PLXNA2: variants seen among roughly 807,000 people sequenced by gnomAD.
PLXNA2 encodes plexin A2.
PLXNA2 carries 91 observed loss-of-function variants against 193.5 expected under a neutral mutation model. The observed-to-expected ratio is 0.47, with a 90% CI of 0.40 to 0.56. The LOEUF (loss-of-function observed/expected upper bound fraction) is 0.56. PLXNA2 is among the 20% of genes least tolerant of loss of function. PLXNA2 has a pLI of 0.00. For missense variants in PLXNA2, 1,995 were observed against 2,503.2 expected (o/e 0.80, Z 4.33); for synonymous variants, 997 against 1,027.3 (o/e 0.97, Z 0.56).
chr1:208,060,956 AG>A, intron 12 of PLXNA2, 119 bp from the exon 13 acceptor site: 6 of 818,190 alleles, frequency 7.3e-6, no homozygotes, highest in Non-Finnish European at 1.1e-5. Flanking sequence ...TTCCTCCACC[AG>A]GAATTCTGGT....
chr1:208,209,268 A>G (rs1032291892), intron 3 of PLXNA2, among the ~76,000 whole-genome samples: 4 of 152,116 alleles, frequency 2.6e-5, no homozygotes, highest in East Asian at 3.9e-4. Flanking sequence ...GAACATAGAA[A>G]TTCTTCCTTG....
chr1:208,029,559 C>T (rs1664439127), intron 29 of PLXNA2: 3 of 990,986 alleles, frequency 3.0e-6, no homozygotes, highest in Non-Finnish European at 3.6e-6. Context: ...CCTGGCCTGG[C>T]TGGGCCGAGG....
chr1:208,149,841 A>G (rs553034049), intron 3 of PLXNA2, among the ~76,000 whole-genome samples: 8 of 152,286 alleles, frequency 5.3e-5, no homozygotes, highest in African/African-American at 1.7e-4. Flanking sequence ...ACACACTCAC[A>G]TACACATACA....
intron 3 of PLXNA2, among the ~76,000 whole-genome samples, chr1:208,159,565 A>C (rs1387220600): frequency 6.6e-6 from 1 of 152,248 alleles, no homozygotes; most frequent in East Asian, 1.9e-4. Context: ...TGGGGACACC[A>C]GCCATCCAAG....
intron 2 of PLXNA2, among the ~76,000 whole-genome samples, chr1:208,212,471 G>A (rs1670994187): frequency 6.6e-6 from 1 of 152,112 alleles, no homozygotes; most frequent in African/African-American, 2.4e-5. Context: ...TTTGAACCCG[G>A]GATAATATTG....
chr1:208,210,776 T>C (rs1393156942), intron 2 of PLXNA2, among the ~76,000 whole-genome samples: 1 of 152,244 alleles, frequency 6.6e-6, no homozygotes, highest in Non-Finnish European at 1.5e-5. Context: ...TCATTTTCTA[T>C]TTATTTTAAT....
At chr1:208,099,948 GC>G (rs2102413659) in intron 5 of PLXNA2, among the ~76,000 whole-genome samples, 1 of 152,152 alleles carries the variant, frequency 6.6e-6, no homozygotes, top group East Asian at 1.9e-4. Context: ...AAGCAGCACA[GC>G]CATGGAAAAG....
At chr1:208,198,388 TG>T (rs1383346081) in intron 3 of PLXNA2, among the ~76,000 whole-genome samples, 1 of 152,180 alleles carries the variant, frequency 6.6e-6, no homozygotes, top group Non-Finnish European at 1.5e-5. Context: ...GAGGGATGCA[TG>T]GGTGATGGGC....
Position 208,028,912 on chromosome 1 carries a change from C to G in PLXNA2, c.5356G>C (p.Glu1786Gln), listed in dbSNP as rs764176591. ...QTFMDSCSTS[E>Q]HRLGKDSPSN... is the part of the protein sequence containing the mutation. ...GGGGAGTCCTTGCCCAGCCGGTGCT[C>G]TGACGTTGAACAAGAGTCCATGAAG... is the stretch of plus-strand genomic sequence containing the variant. Residue 1786 changes from glutamate (E) to glutamine (Q), a missense_variant, in exon 30 of 32, where the codon GAG becomes CAG. This residue lies in a region of PLXNA2 where 1,291 missense variants were observed against 1,673.6 expected (regional missense o/e 0.77). Coordinates refer to ENST00000367033, the MANE Select transcript of PLXNA2 (RefSeq NM_025179.4). This position sits in a 1 kb window ranked among gnomAD's most constrained non-coding sequence, Gnocchi z 4.2. 6.2e-7 allele frequency: 1 copy of G among 1,614,142 alleles called. No individual in the cohort carries two copies. Among genetic ancestry groups the G allele is most frequent in the Non-Finnish European group, 8.5e-7 (1 of 1,180,042 alleles).
At chr1:208,117,064 A>T (rs4253916) in intron 4 of PLXNA2, among the ~76,000 whole-genome samples, 64,760 of 151,948 alleles carry the variant, frequency 0.43, 14,045 homozygotes, top group Non-Finnish European at 0.44. Context: ...CCAGCTACTC[A>T]GGAGGCTGAG....
intron 4 of PLXNA2, among the ~76,000 whole-genome samples, chr1:208,105,269 C>T (rs963779337): frequency 1.3e-5 from 2 of 152,202 alleles, no homozygotes; most frequent in African/African-American, 4.8e-5. Context: ...CGAAGGGGAG[C>T]AGTATGGCTG....
intron 3 of PLXNA2, among the ~76,000 whole-genome samples, chr1:208,191,720 C>T (rs1019423672): frequency 6.6e-6 from 1 of 152,174 alleles, no homozygotes; most frequent in Non-Finnish European, 1.5e-5. Context: ...ATACTTTGGC[C>T]CCAAGGCCTG....
chr1:208,101,909 G>T (rs1324095285), intron 5 of PLXNA2, among the ~76,000 whole-genome samples: 1 of 152,156 alleles, frequency 6.6e-6, no homozygotes, highest in Non-Finnish European at 1.5e-5. Flanking sequence ...TTTGGAGAAA[G>T]AAATTCTCTC....
chr1:208,144,243 C>T (rs1217965166), intron 3 of PLXNA2, among the ~76,000 whole-genome samples: 1 of 152,208 alleles, frequency 6.6e-6, no homozygotes, highest in Non-Finnish European at 1.5e-5. Flanking sequence ...AACAAGTACA[C>T]TAGCATGGAT....
chr1:208,055,658 G>A (rs900215769), intron 13 of PLXNA2, among the ~76,000 whole-genome samples: 3 of 152,168 alleles, frequency 2.0e-5, no homozygotes, highest in Non-Finnish European at 1.5e-5. Context: ...ATCCTGGCAC[G>A]GTGGGGAAGA....
chr1:208,194,025 T>A (rs895508079), intron 3 of PLXNA2, among the ~76,000 whole-genome samples: 7 of 151,278 alleles, frequency 4.6e-5, no homozygotes, highest in African/African-American at 1.5e-4. Context: ...CTTAAGGGGG[T>A]TCATAGCTTA....
intron 3 of PLXNA2, among the ~76,000 whole-genome samples, chr1:208,185,696 CAAA>C (rs56384277): frequency 5.2e-4 from 30 of 57,240 alleles, no homozygotes; most frequent in African/African-American, 1.8e-3. Flanking sequence ...TCTCTGAAAG[CAAA>C]AAAAAAAAAA....
At chr1:208,145,955 C>A (rs753587135) in intron 3 of PLXNA2, among the ~76,000 whole-genome samples, 1 of 152,178 alleles carries the variant, frequency 6.6e-6, no homozygotes, top group Non-Finnish European at 1.5e-5. Flanking sequence ...AAGTCTGTGA[C>A]TCCCCCCACT....
intron 3 of PLXNA2, among the ~76,000 whole-genome samples, chr1:208,151,662 G>A (rs763876917): frequency 1.5e-4 from 23 of 152,116 alleles, no homozygotes; most frequent in African/African-American, 5.1e-4. Context: ...ATGTCAACCC[G>A]TGTGCAAAAA....
Sources: allele counts gnomAD v4.1 joint callset (sites outside exome capture counted in the v4.1 genomes callset), GRCh38; gene constraint gnomAD v4.1.1; regional missense constraint gnomAD v4.1.1; non-coding constraint Gnocchi (gnomAD v3.1); transcripts MANE v1.5; gene names NCBI Gene and HGNC (gene_info 2026-07-23, HGNC 2026-07-21).